BAZ2B: variants seen among roughly 807,000 people sequenced by gnomAD.
BAZ2B encodes bromodomain adjacent to zinc finger domain protein 2B.
In BAZ2B, 91 loss-of-function variants were observed where a neutral mutation model predicts 246.0. The observed-to-expected ratio is 0.37, with a 90% CI of 0.31 to 0.44. The LOEUF is 0.44. BAZ2B is among the 20% of genes least tolerant of loss of function. The probability of loss-of-function intolerance (pLI) is 1.00; values close to 1 mark genes in which losing one functional copy is unlikely to be tolerated. For synonymous variants in BAZ2B, 855 were observed against 860.0 expected, an observed-to-expected ratio of 0.99 and a Z score of 0.10; for missense variants, 2,332 against 2,533.7, an observed-to-expected ratio of 0.92 and a Z score of 1.71.
At chr2:159,627,775 C>T in the BAZ2B span, among the ~76,000 whole-genome samples, 1 of 152,106 alleles carries the variant, frequency 6.6e-6, no homozygotes, top group African/African-American at 2.4e-5. Context: ...AGGATGCCCT[C>T]TCTCACCTCT....
the BAZ2B span, among the ~76,000 whole-genome samples, chr2:159,695,752 TTTTTTA>T: frequency 1.3e-5 from 2 of 151,530 alleles, no homozygotes; most frequent in African/African-American, 4.8e-5. Flanking sequence ...TCTTTTTTTA[TTTTTTA>T]TTTTTATTTT....
chr2:159,630,495 G>A, the BAZ2B span, among the ~76,000 whole-genome samples: 1 of 151,014 alleles, frequency 6.6e-6, no homozygotes, highest in African/African-American at 2.4e-5. Context: ...AAAGCAACAA[G>A]ACAAAACAGC....
At chr2:159,316,440 C>A (rs962075015), downstream of BAZ2B, among the ~76,000 whole-genome samples, 10 of 151,952 alleles carry the variant, frequency 6.6e-5, no homozygotes, top group Admixed American at 2.0e-4. Flanking sequence ...CGCCTGTAAT[C>A]CCAGCACTTC....
In BAZ2B at chr2:159,395,699, T is replaced by C; in HGVS notation, c.3075+70A>G. ...ACCTATATTCTGAAAAATTTATATT[T>C]AGAAGAGCCAATGCTTTAGGAAAAA... On this transcript the variant is annotated intron_variant, in intron 20 of 36. Transcript: ENST00000392783. 5 of 1,361,144 alleles carry C rather than the reference T, an allele frequency of 3.7e-6. No homozygotes were observed. In the South Asian group the frequency reaches 6.8e-5, roughly 18 times the overall value. 84.3% of individuals were successfully genotyped at this position (1,361,144 alleles called of 1,614,324 possible). A position where few individuals can be genotyped will look rare whatever the true frequency, so the allele number is the denominator to read the frequency against.
chr2:159,673,953 G>T, the BAZ2B span, among the ~76,000 whole-genome samples: 1 of 152,064 alleles, frequency 6.6e-6, no homozygotes, highest in African/African-American at 2.4e-5. Context: ...AGGGACAGAA[G>T]AAGGAATGAC....
the BAZ2B span, among the ~76,000 whole-genome samples, chr2:159,701,570 T>C: frequency 1.7e-4 from 26 of 150,228 alleles, no homozygotes; most frequent in Non-Finnish European, 3.3e-4. Flanking sequence ...ACAATGTATT[T>C]TTTAATAGTT....
intron 36 of BAZ2B, among the ~76,000 whole-genome samples, chr2:159,323,465 A>T (rs1457146110): frequency 2.6e-5 from 4 of 152,112 alleles, no homozygotes. Flanking sequence ...CATGTTAGTT[A>T]TAAATTTCAT....
intron 2 of BAZ2B, among the ~76,000 whole-genome samples, chr2:159,482,542 T>TTTTTTTTCTTTTGTGCTGG (rs2079355673): frequency 6.6e-6 from 1 of 152,170 alleles, no homozygotes; most frequent in African/African-American, 2.4e-5. Context: ...TTCTAAATTA[T>TTTTTTTTCTTTTGTGCTGG]TCATGTTAAA....
At chr2:159,688,567 C>T in the BAZ2B span, among the ~76,000 whole-genome samples, 1 of 152,106 alleles carries the variant, frequency 6.6e-6, no homozygotes, top group Non-Finnish European at 1.5e-5. Context: ...CGTCACATTT[C>T]ACCAATTGTT....
intron 1 of BAZ2B, among the ~76,000 whole-genome samples, chr2:159,608,191 A>G (rs1385747455): frequency 6.6e-6 from 1 of 152,170 alleles, no homozygotes; most frequent in Non-Finnish European, 1.5e-5. Context: ...CCTGGGAAAC[A>G]TGCTAAAACC....
intron 1 of BAZ2B, among the ~76,000 whole-genome samples, chr2:159,599,162 T>C (rs1691476914): frequency 6.6e-6 from 1 of 152,142 alleles, no homozygotes; most frequent in African/African-American, 2.4e-5. Flanking sequence ...GAGTGTCATA[T>C]TTGAGAACGA....
chr2:159,357,955 C>T (rs1021592788), intron 27 of BAZ2B, among the ~76,000 whole-genome samples: 4 of 152,082 alleles, frequency 2.6e-5, no homozygotes, highest in Non-Finnish European at 5.9e-5. Flanking sequence ...TACAAGAGCT[C>T]CTGAAGGAAG....
At chr2:159,364,943 A>C (rs1312317036) in intron 27 of BAZ2B, among the ~76,000 whole-genome samples, 1 of 152,156 alleles carries the variant, frequency 6.6e-6, no homozygotes, top group Non-Finnish European at 1.5e-5. Context: ...TAGTACTGCA[A>C]GTGATCTATG....
intron 13 of BAZ2B, among the ~76,000 whole-genome samples, chr2:159,417,372 T>C (rs1036156072): frequency 1.3e-5 from 2 of 152,188 alleles, no homozygotes; most frequent in Admixed American, 6.5e-5. Flanking sequence ...GGTTTCGCCA[T>C]GTTGGCCAGG....
chr2:159,553,407 A>G (rs1448742127), intron 2 of BAZ2B, among the ~76,000 whole-genome samples: 3 of 150,828 alleles, frequency 2.0e-5, no homozygotes, highest in Admixed American at 1.3e-4. Flanking sequence ...AAAAAAAAAA[A>G]AAAAAAAAAG....
upstream of BAZ2B, among the ~76,000 whole-genome samples, chr2:159,617,866 C>G (rs1460830203): frequency 6.6e-6 from 1 of 151,938 alleles, no homozygotes; most frequent in African/African-American, 2.4e-5. Context: ...AGTGCAAGTA[C>G]AATGATTGCA....
intron 2 of BAZ2B, among the ~76,000 whole-genome samples, chr2:159,530,521 A>T (rs966993567): frequency 1.3e-5 from 2 of 152,256 alleles, no homozygotes; most frequent in African/African-American, 2.4e-5. Flanking sequence ...ACTTTAAAAA[A>T]TACCCAAATA....
At chr2:159,441,673 A>AG (rs1251434712) in intron 6 of BAZ2B, among the ~76,000 whole-genome samples, 1 of 152,154 alleles carries the variant, frequency 6.6e-6, no homozygotes, top group Non-Finnish European at 1.5e-5. Flanking sequence ...TAAATGAGTC[A>AG]GGGTCTCACT....
chr2:159,406,188 G>C (rs1319875043), intron 14 of BAZ2B, among the ~76,000 whole-genome samples: 1 of 152,186 alleles, frequency 6.6e-6, no homozygotes, highest in Non-Finnish European at 1.5e-5. Flanking sequence ...ATGGCTAAGA[G>C]GATGTTAGCA....
Sources: gnomAD v4.1 joint callset for allele counts (sites outside exome capture counted in the v4.1 genomes callset) on GRCh38, gnomAD v4.1.1 for gene constraint, MANE v1.5 for transcripts, NCBI Gene and HGNC (gene_info 2026-07-23, HGNC 2026-07-21) for gene names.